The following CPXM1 variants were observed in gnomAD, a reference collection of about 807,000 sequenced individuals.
CPXM1 encodes the protein probable carboxypeptidase X1.
A neutral mutation model predicts 80.4 loss-of-function variants in CPXM1; 72 were observed. The ratio of observed to expected loss-of-function variants is 0.90; its 90% CI spans 0.74 to 1.09. The LOEUF is 1.09. Among genes scored for constraint, CPXM1 ranks in the 50% least tolerant of loss-of-function variants. The pLI is 0.00. For missense variants in CPXM1, 892 were observed against 999.4 expected, an observed-to-expected ratio of 0.89 and a Z score of 1.45; for synonymous variants, 403 against 405.6, an observed-to-expected ratio of 0.99 and a Z score of 0.08.
chr20:2,798,241 C>T lies in CPXM1; in HGVS notation c.501G>A (p.Glu167=). 1 of 1,613,996 alleles carries T rather than the reference C, an allele frequency of 6.2e-7. No homozygotes were observed. Residue 167 remains glutamate, a synonymous_variant, in exon 4 of 14, where the codon GAG becomes GAA. Transcript: ENST00000380605. The part of the protein sequence containing the change: ...DLYDGAWCAE[E]QDADPWFQVD... The stretch of plus-strand genomic sequence containing the variant: ...CCTGAAACCATGGATCGGCGTCCTG[C>T]TCCTCAGCACACCAGGCTCCATCAT...
In CPXM1 at chr20:2,797,919, G is replaced by T. The variant is rs759489066; in HGVS notation, c.681+49C>A. 4 of 1,540,176 alleles carry T rather than the reference G, an allele frequency of 2.6e-6. No individual in the cohort carries two copies. The Admixed American group carries it at 5.0e-5, about 19-fold the overall frequency. The stretch of plus-strand genomic sequence containing the variant: ...AGGAGCCTCAGCCTAGCCTGGACTG[G>T]GTGCCCAACTCCCAGCATGGAGGCC... On this transcript the variant is annotated intron_variant, in intron 5 of 13. Transcript: ENST00000380605.
chr20:2,797,741 A>G (rs764357552), intron 5 of CPXM1, among the ~76,000 whole-genome samples: 15 of 152,218 alleles, frequency 9.9e-5, no homozygotes, highest in Non-Finnish European at 2.1e-4. Context: ...TGTACCGTGA[A>G]GCAGCACCCA....
At chr20:2,800,330 G>A (rs2088557087) in intron 1 of CPXM1, 71 bp downstream of exon 1, 3 of 1,339,232 alleles carry the variant, frequency 2.2e-6, no homozygotes, top group Non-Finnish European at 2.9e-6. Flanking sequence ...GTTAGGGAGG[G>A]ATCGCCCCAC....
chr20:2,797,930 C>G (rs768245406), intron 5 of CPXM1, 38 bp downstream of exon 5: 3 of 1,590,816 alleles, frequency 1.9e-6, no homozygotes, highest in Admixed American at 1.7e-5. Context: ...GTGCCCAACT[C>G]CCAGCATGGA....
At position 2,796,221 on chromosome 20, in the gene CPXM1, A is replaced by G; in HGVS notation, c.1242+26T>C. 1 of 1,611,668 alleles carries G rather than the reference A, an allele frequency of 6.2e-7. No homozygotes were observed. Among genetic ancestry groups the G allele is most frequent in the East Asian group, 2.2e-5 (1 of 44,850 alleles). On this transcript the variant is annotated intron_variant, in intron 9 of 13. Coordinates refer to ENST00000380605, the MANE Select transcript of CPXM1 (RefSeq NM_019609.5). The surrounding 1 kb of genome is among the most constrained non-coding windows in gnomAD (Gnocchi z 6.8). ...TCCAGCCACCAGGGCAGAAGGACAG[A>G]GTGGCCCTCATGCTGGGTGGCCTAC...
At chr20:2,800,376 G>T in intron 1 of CPXM1, 25 bp downstream of exon 1, 5 of 1,493,742 alleles carry the variant, frequency 3.3e-6, no homozygotes, top group African/African-American at 1.4e-5. Flanking sequence ...TTGCGGGGGA[G>T]CGGACCGTCG....
Position 2,796,285 on chromosome 20 carries a change from A to T in CPXM1, c.1204T>A (p.Ser402Thr), listed in dbSNP as rs368774043. 1.2e-5 allele frequency: 20 copies of T among 1,613,684 alleles called. No homozygotes were observed. The highest frequency in any genetic ancestry group is 1.7e-5 in the Non-Finnish European group (20 of 1,179,994). ...LSEMRIHLLP[S>T]MNPDGYEIAY... ...ATCTCATAGCCATCAGGGTTCATGGAGGGCAGCAGGTGAATGCGCATCTCA... is the reference window on the plus strand; with the variant it reads ...ATCTCATAGCCATCAGGGTTCATGGTGGGCAGCAGGTGAATGCGCATCTCA... Residue 402 changes from serine (S) to threonine (T), a missense_variant, in exon 9 of 14, where the codon TCC becomes ACC. Around this residue, in one of 2 missense-constraint regions of CPXM1, gnomAD observed 874 missense variants for 958.4 expected, o/e 0.91. Coordinates refer to ENST00000380605, the MANE Select transcript of CPXM1 (RefSeq NM_019609.5). The surrounding 1 kb of genome is among the most constrained non-coding windows in gnomAD (Gnocchi z 6.8).
rs1600266954 is a variant in CPXM1 at position 2,796,771 on chromosome 20, A to G, written c.922-121T>C. On this transcript the variant is annotated intron_variant, in intron 7 of 13. Coordinates refer to ENST00000380605, the MANE Select transcript of CPXM1 (RefSeq NM_019609.5). This position sits in a 1 kb window ranked among gnomAD's most constrained non-coding sequence, Gnocchi z 6.8. The stretch of plus-strand genomic sequence containing the variant: ...GCCCACACAGAGGGGGCATCCCATC[A>G]TGGTACAGGAGGGGAGCGGCAGCAG... 1.4e-6 allele frequency: 2 copies of G among 1,389,810 alleles called. No individual in the cohort carries two copies. The highest frequency in any genetic ancestry group is 2.0e-5 in the Admixed American group (1 of 49,712). The allele number at this position is 1,389,810 out of a possible 1,614,324, so 86.1% of individuals were successfully genotyped here.
chr20:2,794,184 C>G lies in CPXM1; in HGVS notation c.*6G>C. 1 of 1,605,542 alleles carries G rather than the reference C, an allele frequency of 6.2e-7. No individual in the cohort carries two copies. Among genetic ancestry groups the G allele is most frequent in the East Asian group, 2.2e-5 (1 of 44,796 alleles). On this transcript the variant is annotated 3_prime_UTR_variant, in exon 14 of 14. Coordinates refer to ENST00000380605, the MANE Select transcript of CPXM1 (RefSeq NM_019609.5). The surrounding 1 kb of genome is among the most constrained non-coding windows in gnomAD (Gnocchi z 5.2). The stretch of plus-strand genomic sequence containing the variant: ...AGCCTGCCCTAGGGCTCTTAAACCG[C>G]AGGTATCAATCCTTCTGTCCCCTTA...
chr20:2,795,712 TA>T lies in CPXM1; in HGVS notation c.1606del (p.Tyr536MetfsTer40). 1 of 1,613,920 alleles carries T rather than the reference TA, an allele frequency of 6.2e-7. No homozygotes were observed. The highest frequency in any genetic ancestry group is 8.5e-7 in the Non-Finnish European group (1 of 1,180,012). ...DAVFRWLSTV[Y>X]AGSNLAMQDT... The stretch of plus-strand genomic sequence containing the variant: ...CTGCATGGCCAGATTACTGCCAGCA[TA>T]GACAGTGCTGAGCCAGCGAAACACA... On this transcript the variant is annotated frameshift_variant, in exon 11 of 14. Coordinates refer to ENST00000380605, the MANE Select transcript of CPXM1 (RefSeq NM_019609.5). LOFTEE classifies it high-confidence loss of function. This position sits in a 1 kb window ranked among gnomAD's most constrained non-coding sequence, Gnocchi z 5.4.
Position 2,796,868 on chromosome 20 carries a change from A to C in CPXM1, c.921+138T>G. On this transcript the variant is annotated intron_variant, in intron 7 of 13. Transcript: ENST00000380605. The surrounding 1 kb of genome is among the most constrained non-coding windows in gnomAD (Gnocchi z 6.8). ...AGTGGGATGGAGCTTAGGGGTCCAC[A>C]GGAGAGAAGGCTGAGACATCAGGAG... 1.0e-6 allele frequency: 1 copy of C among 991,960 alleles called. No homozygotes were observed. The highest frequency in any genetic ancestry group is 1.5e-6 in the Non-Finnish European group (1 of 656,658). 61.4% of individuals were successfully genotyped at this position (991,960 alleles called of 1,614,324 possible).
At position 2,798,487 on chromosome 20, in the gene CPXM1, C is replaced by T. The variant is rs1441252821; in HGVS notation, c.391G>A (p.Glu131Lys). The part of the protein sequence containing the change: ...ESLRVSDSRL[E>K]ASSSQSFGLG... ...CCAAAGGACTGGCTGCTGGATGCCT[C>T]AAGCCGGCTATCTGAAACTCGCAGG... The change falls in exon 3 of 14, where the codon GAG becomes AAG. Residue 131 changes from glutamate (E) to lysine (K), a missense_variant. Physicochemically the swap from Glu to Lys is moderately conservative, Grantham distance 56. Transcript: ENST00000380605. The T allele has an allele frequency of 7.4e-6, 12 of 1,614,066 alleles. No homozygotes were observed. Among genetic ancestry groups the T allele is most frequent in the Admixed American group, 1.7e-5 (1 of 60,010 alleles).
rs938078645 is a variant in CPXM1 at position 2,795,516 on chromosome 20, C to T, written c.1720+83G>A. 15 of 1,586,670 alleles carry T rather than the reference C, an allele frequency of 9.5e-6. No individual in the cohort carries two copies. The highest frequency in any genetic ancestry group is 3.5e-5 in the South Asian group (3 of 86,692). On this transcript the variant is annotated intron_variant, in intron 11 of 13. Transcript: ENST00000380605. This position sits in a 1 kb window ranked among gnomAD's most constrained non-coding sequence, Gnocchi z 5.4. ...AGGGACACTTCAGAGTGGGAACAGA[C>T]GCCAGCACTGTACGCAACCGCAGGC...
At chr20:2,800,376 G>A (rs771703494) in intron 1 of CPXM1, 25 bp downstream of exon 1, 2 of 1,493,624 alleles carry the variant, frequency 1.3e-6, no homozygotes, top group African/African-American at 2.9e-5. Flanking sequence ...TTGCGGGGGA[G>A]CGGACCGTCG....
rs763254754 is a variant in CPXM1 at position 2,794,524 on chromosome 20, C to G, written c.1963+13G>C. The G allele has an allele frequency of 6.2e-7, 1 of 1,613,828 alleles. No homozygotes were observed. Among genetic ancestry groups the G allele is most frequent in the South Asian group, 1.1e-5 (1 of 91,064 alleles). On this transcript the variant is annotated intron_variant, in intron 13 of 13. Transcript: ENST00000380605. The surrounding 1 kb of genome is among the most constrained non-coding windows in gnomAD (Gnocchi z 5.2). Reference sequence around the variant, plus strand: ...CCTCCAGCCCCTTCCCTTGCCCTCCCGGTCAAACACACCCGTGGTCACGTC... The same window carrying G: ...CCTCCAGCCCCTTCCCTTGCCCTCCGGGTCAAACACACCCGTGGTCACGTC...
Position 2,796,645 on chromosome 20 carries a change from C to T in CPXM1, c.927G>A (p.Met309Ile), listed in dbSNP as rs1373577759. Residue 309 changes from methionine to isoleucine, a missense_variant, in exon 8 of 14, where the codon ATG becomes ATA. Met to Ile is a conservative substitution (Grantham distance 10). This residue lies in a region of CPXM1 where 874 missense variants were observed against 958.4 expected (regional missense o/e 0.91). Transcript: ENST00000380605. This position sits in a 1 kb window ranked among gnomAD's most constrained non-coding sequence, Gnocchi z 6.8. ...TGGGGCATTGCTCTTGTACCTGCTT[C>T]ATCAGCTGGTGGGCAGAGTGTAGCG... ...HHNYKAMRKL[M>I]KQVQEQCPNI... is the part of the protein sequence containing the mutation. 6.2e-7 allele frequency: 1 copy of T among 1,614,084 alleles called. No individual in the cohort carries two copies. Among genetic ancestry groups the T allele is most frequent in the Non-Finnish European group, 8.5e-7 (1 of 1,179,978 alleles).
At chr20:2,799,710 GCTC>G (rs1289669363) in intron 1 of CPXM1, among the ~76,000 whole-genome samples, 1 of 152,072 alleles carries the variant, frequency 6.6e-6, no homozygotes, top group African/African-American at 2.4e-5. Context: ...CTCCGCTTGC[GCTC>G]CTCCTCTCCT....
At position 2,798,900 on chromosome 20, in the gene CPXM1, G is replaced by A. The variant is rs960536237; in HGVS notation, c.173-7C>T. 3.1e-6 allele frequency: 5 copies of A among 1,612,570 alleles called. No homozygotes were observed. The African/African-American group carries it at 6.7e-5, about 22-fold the overall frequency. ...ACATGCTGTTCTGAGGTCCCTTGGG[G>A]TCCGAGAGGCACAGCATGGGGGAAA... is the stretch of plus-strand genomic sequence containing the variant. On this transcript the variant is annotated splice_region_variant and splice_polypyrimidine_tract_variant and intron_variant, in intron 1 of 13. Transcript: ENST00000380605.
intron 5 of CPXM1, among the ~76,000 whole-genome samples, chr20:2,797,601 C>G (rs2088523703): frequency 6.6e-6 from 1 of 152,210 alleles, no homozygotes; most frequent in Non-Finnish European, 1.5e-5. Context: ...AATCCTAGAG[C>G]TGGCCAGGAC....
Sources: gnomAD v4.1 joint callset for allele counts (sites outside exome capture counted in the v4.1 genomes callset) on GRCh38, gnomAD v4.1.1 for gene constraint, gnomAD v4.1.1 regional missense constraint, Gnocchi (gnomAD v3.1) non-coding constraint, MANE v1.5 for transcripts, NCBI Gene and HGNC (gene_info 2026-07-23, HGNC 2026-07-21) for gene names.